The following NFIX variants were observed in gnomAD, a reference collection of about 807,000 sequenced individuals.
NFIX encodes the protein nuclear factor 1 X-type.
In NFIX, 2 loss-of-function variants were observed where a neutral mutation model predicts 53.3. The observed-to-expected ratio is 0.04, with a 90% confidence interval of 0.02 to 0.12. The LOEUF (loss-of-function observed/expected upper bound fraction) is 0.12. Ranked by LOEUF, NFIX falls within the 10% of genes least tolerant of loss-of-function variation. The pLI is 1.00. For missense variants in NFIX, 310 were observed against 674.5 expected (o/e 0.46, Z 5.99); for synonymous variants, 244 against 289.0 (o/e 0.84, Z 1.58).
chr19:13,035,609 T>A (rs913301240), intron 2 of NFIX, among the ~76,000 whole-genome samples: 4 of 152,146 alleles, frequency 2.6e-5, no homozygotes, highest in Non-Finnish European at 5.9e-5. Flanking sequence ...ATTTTTTTTT[T>A]TTATTATAGT....
At chr19:13,092,798 G>T (rs1719594976) in intron 10 of NFIX, among the ~76,000 whole-genome samples, 1 of 152,248 alleles carries the variant, frequency 6.6e-6, no homozygotes, top group African/African-American at 2.4e-5. Flanking sequence ...GCTGGCTGCG[G>T]GCCGGTTCTC....
In NFIX at chr19:13,088,334, G is replaced by A. The variant is rs889054520; in HGVS notation, c.1402+198G>A. Among the ~76,000 whole-genome samples the A allele has an allele frequency of 8.6e-5, 13 of 151,648 alleles. No individual in the cohort carries two copies. The highest frequency in any genetic ancestry group is 2.9e-5 in the Non-Finnish European group (2 of 67,884). On this transcript the variant is annotated intron_variant, in intron 9 of 10. Coordinates refer to ENST00000592199, the MANE Select transcript of NFIX (RefSeq NM_001365902.3). The surrounding 1 kb of genome is among the most constrained non-coding windows in gnomAD (Gnocchi z 5.9). Reference sequence around the variant, plus strand: ...TCAGTCGCACCAGCCAGCACCCCACGAGCCCCCTGCCCGCTGCTCCCAGCC... The same window carrying A: ...TCAGTCGCACCAGCCAGCACCCCACAAGCCCCCTGCCCGCTGCTCCCAGCC...
intron 2 of NFIX, among the ~76,000 whole-genome samples, chr19:13,050,745 G>A (rs2015279051): frequency 6.6e-6 from 1 of 152,278 alleles, no homozygotes; most frequent in East Asian, 1.9e-4. Flanking sequence ...GACCCAGACA[G>A]GACTTGGAGA....
chr19:13,003,552 C>T (rs1285223434), intron 1 of NFIX, among the ~76,000 whole-genome samples: 1 of 152,220 alleles, frequency 6.6e-6, no homozygotes, highest in East Asian at 1.9e-4. Context: ...CATGCAATAA[C>T]ACGCTCTCAG....
chr19:13,011,880 G>C lies in NFIX; in HGVS notation c.28-13141G>C, dbSNP rs186744350. Among the ~76,000 whole-genome samples the C allele has an allele frequency of 0.027, 4,149 of 152,142 alleles. 69 individuals are homozygous for C. The highest frequency in any genetic ancestry group is 0.082 in the Middle Eastern group (24 of 294). Reference sequence around the variant, plus strand: ...CCCGCTGCAACTGACTCAAGACTGGGGGGAGGGGGCTCATGGAGGTAGAGG... The same window carrying C: ...CCCGCTGCAACTGACTCAAGACTGGCGGGAGGGGGCTCATGGAGGTAGAGG... On this transcript the variant is annotated intron_variant, in intron 1 of 10. Transcript: ENST00000592199. This position sits in a 1 kb window ranked among gnomAD's most constrained non-coding sequence, Gnocchi z 6.5.
At chr19:13,020,453 G>A (rs989741450) in intron 1 of NFIX, among the ~76,000 whole-genome samples, 3 of 152,160 alleles carry the variant, frequency 2.0e-5, no homozygotes, top group Non-Finnish European at 4.4e-5. Flanking sequence ...CTCATCTCCC[G>A]AAGCATCAGA....
chr19:13,034,842 C>T (rs1026210171), intron 2 of NFIX, among the ~76,000 whole-genome samples: 2 of 148,084 alleles, frequency 1.4e-5, no homozygotes, highest in Admixed American at 1.3e-4. Flanking sequence ...TCTAGATTTT[C>T]GTCTGTGTCC....
Position 13,027,363 on chromosome 19 carries a change from A to G in NFIX, c.559+1811A>G, listed in dbSNP as rs2013448688. 6.6e-6 allele frequency among the ~76,000 whole-genome samples: 1 copy of G among 152,154 alleles called. No individual in the cohort carries two copies. The highest frequency in any genetic ancestry group is 6.5e-5 in the Admixed American group (1 of 15,284). ...AGAGGGAAAAAAAAGTTATCCCCTC[A>G]TTCTCTGTCTATACAGCAAGCCAGA... On this transcript the variant is annotated intron_variant, in intron 2 of 10. Transcript: ENST00000592199. This position sits in a 1 kb window ranked among gnomAD's most constrained non-coding sequence, Gnocchi z 4.3.
intron 1 of NFIX, chr19:13,023,983 T>C: frequency 7.6e-7 from 1 of 1,315,882 alleles, no homozygotes; most frequent in South Asian, 1.3e-5. Flanking sequence ...CTCTTTTGAG[T>C]CCAGAATCTC....
Position 13,062,530 on chromosome 19 carries a change from T to A in NFIX, c.560-10517T>A, listed in dbSNP as rs1945461860. Among the ~76,000 whole-genome samples, 3 of 152,102 alleles carry A rather than the reference T, an allele frequency of 2.0e-5. No individual in the cohort carries two copies. The South Asian group carries it at 6.2e-4, about 32-fold the overall frequency. On this transcript the variant is annotated intron_variant, in intron 2 of 10. Transcript: ENST00000592199. ...TCAAGGGGCTGATGGTCTAGTGGGG[T>A]GTTCCTGGTCAGGACCTCCTGGCCT...
chr19:13,075,483 C>T, intron 5 of NFIX, 52 bp from the exon 6 acceptor site: 2 of 1,600,348 alleles, frequency 1.2e-6, no homozygotes, highest in Middle Eastern at 1.7e-4. Flanking sequence ...TTGGTCACTC[C>T]CTGGAGCCTC....
rs1434420611 is a variant in NFIX, at chr19:13,068,817, G to A, written c.560-4230G>A. Among the ~76,000 whole-genome samples the A allele has an allele frequency of 6.6e-6, 1 of 152,224 alleles. No individual in the cohort carries two copies. The highest frequency in any genetic ancestry group is 2.4e-5 in the African/African-American group (1 of 41,448). ...TCTGCCTCAGAGACATGGATCTCAC[G>A]AGTAGCCCAGGTCCCCAGAGAAGGA... is the stretch of plus-strand genomic sequence containing the variant. On this transcript the variant is annotated intron_variant, in intron 2 of 10. Coordinates refer to ENST00000592199, the MANE Select transcript of NFIX (RefSeq NM_001365902.3). This position sits in a 1 kb window ranked among gnomAD's most constrained non-coding sequence, Gnocchi z 4.2.
chr19:13,045,269 GC>G lies in NFIX; in HGVS notation c.559+19721del, dbSNP rs2145289242. Among the ~76,000 whole-genome samples, 1 of 152,278 alleles carries G rather than the reference GC, an allele frequency of 6.6e-6. No homozygotes were observed. Among genetic ancestry groups the G allele is most frequent in the Admixed American group, 6.5e-5 (1 of 15,302 alleles). ...GTATCCTGGTCTGTGGCTAGCATGG[GC>G]CCCAGAGCTGTGTGTGATGCATGTG... is the stretch of plus-strand genomic sequence containing the variant. On this transcript the variant is annotated intron_variant, in intron 2 of 10. Coordinates refer to ENST00000592199, the MANE Select transcript of NFIX (RefSeq NM_001365902.3). This position sits in a 1 kb window ranked among gnomAD's most constrained non-coding sequence, Gnocchi z 4.4.
chr19:13,052,103 G>A lies in NFIX; in HGVS notation c.560-20944G>A, dbSNP rs1225808283. On this transcript the variant is annotated intron_variant, in intron 2 of 10. Coordinates refer to ENST00000592199, the MANE Select transcript of NFIX (RefSeq NM_001365902.3). The surrounding 1 kb of genome is among the most constrained non-coding windows in gnomAD (Gnocchi z 5.2). ...GCCCTCAGGCATCCAGGTGGTGCCCGGGTTGATATGCAGCTGCCTGCCCTT... is the reference window on the plus strand; with the variant it reads ...GCCCTCAGGCATCCAGGTGGTGCCCAGGTTGATATGCAGCTGCCTGCCCTT... Among the ~76,000 whole-genome samples, 2 of 152,148 alleles carry A rather than the reference G, an allele frequency of 1.3e-5. No homozygotes were observed. The highest frequency in any genetic ancestry group is 2.1e-4 in the South Asian group (1 of 4,834).
Position 13,012,017 on chromosome 19 carries a change from G to A in NFIX, c.28-13004G>A, listed in dbSNP as rs774125452. On this transcript the variant is annotated intron_variant, in intron 1 of 10. Transcript: ENST00000592199. The surrounding 1 kb of genome is among the most constrained non-coding windows in gnomAD (Gnocchi z 5.0). ...ACTGTCACTTGCATCGCACACTGAGGGGTGGGAGAGGACAGCACATGCCTG... is the reference window on the plus strand; with the variant it reads ...ACTGTCACTTGCATCGCACACTGAGAGGTGGGAGAGGACAGCACATGCCTG... Among the ~76,000 whole-genome samples the A allele has an allele frequency of 2.6e-5, 4 of 152,220 alleles. No individual in the cohort carries two copies. The highest frequency in any genetic ancestry group is 5.9e-5 in the Non-Finnish European group (4 of 68,030).
chr19:12,996,527 G>C lies in NFIX; in HGVS notation c.27+663G>C, dbSNP rs1269049225. Among the ~76,000 whole-genome samples the C allele has an allele frequency of 6.6e-6, 1 of 151,046 alleles. No homozygotes were observed. Among genetic ancestry groups the C allele is most frequent in the East Asian group, 2.0e-4 (1 of 5,086 alleles). On this transcript the variant is annotated intron_variant, in intron 1 of 10. Coordinates refer to ENST00000592199, the MANE Select transcript of NFIX (RefSeq NM_001365902.3). The surrounding 1 kb of genome is among the most constrained non-coding windows in gnomAD (Gnocchi z 5.2). ...CAAATTTCGGAGGGGCAGGGGAGGGGAGAGGGGGGCGGGCGCGCTGCCAGC... is the reference window on the plus strand; with the variant it reads ...CAAATTTCGGAGGGGCAGGGGAGGGCAGAGGGGGGCGGGCGCGCTGCCAGC...
intron 2 of NFIX, among the ~76,000 whole-genome samples, chr19:13,031,655 C>T (rs2013818112): frequency 6.6e-6 from 1 of 152,134 alleles, no homozygotes; most frequent in Non-Finnish European, 1.5e-5. Flanking sequence ...CTCCCGTAGG[C>T]GTAGGCGTGA....
intron 2 of NFIX, among the ~76,000 whole-genome samples, chr19:13,029,273 G>A (rs1345415866): frequency 1.3e-5 from 2 of 152,042 alleles, no homozygotes; most frequent in African/African-American, 2.4e-5. Context: ...CTAAAGATAC[G>A]GACTCTTGAA....
intron 7 of NFIX, among the ~76,000 whole-genome samples, chr19:13,080,243 CCA>C (rs1228275182): frequency 6.6e-6 from 1 of 152,168 alleles, no homozygotes; most frequent in Admixed American, 6.5e-5. Flanking sequence ...TAAGCAAACA[CCA>C]GTTTTTTTGT....
Sources: gnomAD v4.1 joint callset for allele counts (sites outside exome capture counted in the v4.1 genomes callset) on GRCh38, gnomAD v4.1.1 for gene constraint, Gnocchi (gnomAD v3.1) non-coding constraint, MANE v1.5 for transcripts, NCBI Gene and HGNC (gene_info 2026-07-23, HGNC 2026-07-21) for gene names.